RNF126: variants seen among roughly 807,000 people sequenced by gnomAD.
RNF126 encodes E3 ubiquitin-protein ligase RNF126.
RNF126 carries 20 observed loss-of-function variants against 41.9 expected under a neutral mutation model. The ratio of observed to expected loss-of-function variants is 0.48; its 90% CI spans 0.34 to 0.69. The LOEUF (loss-of-function observed/expected upper bound fraction) is 0.69, where lower values mean the gene tolerates loss of function less well. Ranked by LOEUF, RNF126 falls within the 30% of genes least tolerant of loss-of-function variation. The pLI is 0.01. For synonymous variants in RNF126, 239 were observed against 202.9 expected (o/e 1.18, Z -1.51); for missense variants, 433 against 460.6 (o/e 0.94, Z 0.55).
chr19:648,088 G>A lies in RNF126; in HGVS notation c.*40C>T. ...GCCGTGTGGCGCTGGCTGAGGGTGG[G>A]TGGGAAAGGCCCCGTGCTTTCCCGA... On this transcript the variant is annotated 3_prime_UTR_variant, in exon 9 of 9. Coordinates refer to ENST00000292363, the MANE Select transcript of RNF126 (RefSeq NM_194460.3). The A allele has an allele frequency of 6.6e-7, 1 of 1,520,186 alleles. No individual in the cohort carries two copies. Among genetic ancestry groups the A allele is most frequent in the South Asian group, 1.3e-5 (1 of 77,264 alleles). 94.2% of individuals were successfully genotyped at this position (1,520,186 alleles called of 1,614,324 possible).
At position 654,950 on chromosome 19, in the gene RNF126, A is replaced by G. The variant is rs1389301410; in HGVS notation, c.76-2066T>C. 4.6e-5 allele frequency among the ~76,000 whole-genome samples: 7 copies of G among 152,116 alleles called. 1 individual carries two copies. Among genetic ancestry groups the G allele is most frequent in the African/African-American group, 7.2e-5 (3 of 41,474 alleles). ...ACATTGTAACTCCAGCCTGGGCGAC[A>G]GAGTGAGACTCCGTATCGGGAAAAA... is the stretch of plus-strand genomic sequence containing the variant. On this transcript the variant is annotated intron_variant, in intron 1 of 8. Transcript: ENST00000292363.
chr19:662,572 C>T (rs1311320361), intron 1 of RNF126, among the ~76,000 whole-genome samples: 2 of 152,138 alleles, frequency 1.3e-5, no homozygotes, highest in Non-Finnish European at 2.9e-5. Context: ...CCCAACCACG[C>T]GCTCGGCGGG....
At position 648,364 on chromosome 19, in the gene RNF126, G is replaced by GGGGGGGGGGGGGT; in HGVS notation, c.786+7_786+8insACCCCCCCCCCCC. 1 of 510,496 alleles carries GGGGGGGGGGGGGT rather than the reference G, an allele frequency of 2.0e-6. No individual in the cohort carries two copies. Among genetic ancestry groups the GGGGGGGGGGGGGT allele is most frequent in the Non-Finnish European group, 3.6e-6 (1 of 278,362 alleles). 31.6% of individuals were successfully genotyped at this position (510,496 alleles called of 1,614,324 possible). ...CGGGGTGGGGGGGCGGGTGGGCGGG[G>GGGGGGGGGGGGGT]CACTCACCTGCTCCAGCCAGGGCAC... is the stretch of plus-strand genomic sequence containing the variant. On this transcript the variant is annotated splice_region_variant and intron_variant, in intron 8 of 8. Transcript: ENST00000292363.
intron 2 of RNF126, chr19:652,501 A>G (rs1359300658): frequency 5.0e-6 from 3 of 604,770 alleles, no homozygotes; most frequent in Non-Finnish European, 5.8e-6. Context: ...ACCGGTGCAG[A>G]CCCCAACAGC....
intron 4 of RNF126, among the ~76,000 whole-genome samples, chr19:650,777 G>A (rs916033064): frequency 2.3e-4 from 35 of 151,968 alleles, no homozygotes; most frequent in African/African-American, 8.5e-4. Flanking sequence ...ATTCTTAGTA[G>A]AGACGGAGTT....
intron 1 of RNF126, among the ~76,000 whole-genome samples, chr19:661,164 T>A (rs1457251910): frequency 6.6e-6 from 1 of 152,194 alleles, no homozygotes; most frequent in Non-Finnish European, 1.5e-5. Context: ...GTCCTCCGTG[T>A]CCAAGGCCAC....
chr19:652,133 C>A, intron 3 of RNF126, 100 bp downstream of exon 3: 3 of 1,042,896 alleles, frequency 2.9e-6, no homozygotes, highest in Non-Finnish European at 4.0e-6. Flanking sequence ...CTCCGCCGTG[C>A]GGGCAGGGAG....
Position 647,880 on chromosome 19 carries a change from G to A in RNF126, c.*248C>T, listed in dbSNP as rs778343104. The A allele has an allele frequency of 1.1e-5, 7 of 654,772 alleles. No individual in the cohort carries two copies. Among genetic ancestry groups the A allele is most frequent in the East Asian group, 5.7e-5 (2 of 35,072 alleles). 40.6% of individuals were successfully genotyped at this position (654,772 alleles called of 1,614,324 possible). Reference sequence around the variant, plus strand: ...TATAAAAATCTTTCCACCGCTGAACGTTTAGAGGGTGAGGTTAGACAGAGG... The same window carrying A: ...TATAAAAATCTTTCCACCGCTGAACATTTAGAGGGTGAGGTTAGACAGAGG... On this transcript the variant is annotated 3_prime_UTR_variant, in exon 9 of 9. Transcript: ENST00000292363.
chr19:652,476 C>A, intron 2 of RNF126, 180 bp from the exon 3 acceptor site: 1 of 623,770 alleles, frequency 1.6e-6, no homozygotes, highest in Non-Finnish European at 2.8e-6. Flanking sequence ...CAGTAAACCA[C>A]GGGTTTCTCG....
chr19:650,509 C>T (rs1237036562), intron 4 of RNF126: 5 of 427,684 alleles, frequency 1.2e-5, no homozygotes, highest in Non-Finnish European at 2.1e-5. Context: ...CCCCAACCTG[C>T]TGGGCTTAAG....
intron 7 of RNF126, 111 bp from the exon 8 acceptor site, chr19:648,598 G>T: frequency 1.2e-6 from 1 of 863,782 alleles, no homozygotes; most frequent in South Asian, 1.5e-5. Context: ...CCAGCGAGGG[G>T]AGAAAAGCCG....
intron 1 of RNF126, 57 bp downstream of exon 1, chr19:662,990 C>A: frequency 1.1e-6 from 1 of 941,570 alleles, no homozygotes; most frequent in Admixed American, 4.5e-5. Flanking sequence ...CGGCCCCGGC[C>A]TTGCCTCAGG....
chr19:662,005 G>A (rs1410530546), intron 1 of RNF126, among the ~76,000 whole-genome samples: 5 of 152,124 alleles, frequency 3.3e-5, no homozygotes, highest in Non-Finnish European at 5.9e-5. Context: ...TCAGCCTGGC[G>A]AAGGGCAACA....
At chr19:649,116 G>A in intron 6 of RNF126, 141 bp from the exon 7 acceptor site, 4 of 409,702 alleles carry the variant, frequency 9.8e-6, no homozygotes, top group East Asian at 3.6e-5. Flanking sequence ...GCCCGGGGTC[G>A]GAGATCACTG....
At position 651,850 on chromosome 19, in the gene RNF126, C is replaced by G. The variant is rs1453113881; in HGVS notation, c.204G>C (p.Val68=). Reference sequence around the variant, plus strand: ...GCGGCAGCGTGAACAGGTGCTGGTCCACGTGCTGGGGAGAGGAGGGGGGCG... The same window carrying G: ...GCGGCAGCGTGAACAGGTGCTGGTCGACGTGCTGGGGAGAGGAGGGGGGCG... ...TDQSRPPLEH[V]DQHLFTLPQG... Residue 68 remains valine (V), a synonymous_variant, in exon 4 of 9, where the codon GTG becomes GTC. Coordinates refer to ENST00000292363, the MANE Select transcript of RNF126 (RefSeq NM_194460.3). The G allele has an allele frequency of 6.2e-7, 1 of 1,608,314 alleles. No individual in the cohort carries two copies. The highest frequency in any genetic ancestry group is 1.3e-5 in the African/African-American group (1 of 74,792).
At chr19:653,331 C>T (rs1053415375) in intron 1 of RNF126, among the ~76,000 whole-genome samples, 3 of 152,236 alleles carry the variant, frequency 2.0e-5, no homozygotes, top group South Asian at 2.1e-4. Flanking sequence ...GCCACGTCCA[C>T]GCTGGCCACA....
At chr19:651,463 C>T in intron 4 of RNF126, 148 bp downstream of exon 4, 1 of 729,030 alleles carries the variant, frequency 1.4e-6, no homozygotes, top group South Asian at 3.0e-5. Flanking sequence ...TGGGGAGTCA[C>T]AGGGGGCTGG....
chr19:648,821 G>A (rs559095305), intron 7 of RNF126, 61 bp downstream of exon 7: 1 of 1,000,308 alleles, frequency 1.0e-6, no homozygotes, highest in Non-Finnish European at 1.4e-6. Context: ...ATACAAGTAT[G>A]AGCCAGGCGT....
intron 3 of RNF126, 38 bp from the exon 4 acceptor site, chr19:651,893 GC>G: frequency 6.3e-7 from 1 of 1,575,562 alleles, no homozygotes; most frequent in Middle Eastern, 1.7e-4. Context: ...GGGGGCTCAG[GC>G]CCGTGCAGTC....
Sources: allele counts gnomAD v4.1 joint callset (sites outside exome capture counted in the v4.1 genomes callset), GRCh38; gene constraint gnomAD v4.1.1; transcripts MANE v1.5; gene names NCBI Gene and HGNC (gene_info 2026-07-23, HGNC 2026-07-21).